The following IL7 variants were observed in gnomAD, a reference collection of about 807,000 sequenced individuals.
IL7 encodes interleukin-7.
In IL7, 3 loss-of-function variants were observed where a neutral mutation model predicts 21.6. The ratio of observed to expected loss-of-function variants is 0.14; its 90% confidence interval spans 0.06 to 0.36. The LOEUF (loss-of-function observed/expected upper bound fraction) is 0.36. Ranked by LOEUF, IL7 falls within the 10% of genes least tolerant of loss-of-function variation. The probability of loss-of-function intolerance (pLI) is 1.00; values close to 1 mark genes in which losing one functional copy is unlikely to be tolerated. For missense variants in IL7, 175 were observed against 200.2 expected, an observed-to-expected ratio of 0.87 and a Z score of 0.76; for synonymous variants, 62 against 68.1, an observed-to-expected ratio of 0.91 and a Z score of 0.44.
chr8:78,727,153 T>C (rs1243931446), intron 3 of IL7, among the ~76,000 whole-genome samples: 1 of 152,010 alleles, frequency 6.6e-6, no homozygotes, highest in East Asian at 1.9e-4. Flanking sequence ...CTTTTTTGCT[T>C]CCCTTTTCTT....
intron 3 of IL7, among the ~76,000 whole-genome samples, chr8:78,722,334 G>A (rs185937490): frequency 2.0e-5 from 3 of 151,892 alleles, no homozygotes; most frequent in Admixed American, 6.6e-5. Flanking sequence ...TCAACTAGAG[G>A]TATAATTTTA....
At chr8:78,717,001 A>G (rs1268474590), downstream of IL7, among the ~76,000 whole-genome samples, 2 of 151,166 alleles carry the variant, frequency 1.3e-5, no homozygotes, top group Non-Finnish European at 3.0e-5. Context: ...TACAGCCTGC[A>G]GAACTGTGAG....
At chr8:78,742,158 A>G (rs1811807261) in intron 2 of IL7, among the ~76,000 whole-genome samples, 2 of 56,854 alleles carry the variant, frequency 3.5e-5, no homozygotes, top group Non-Finnish European at 3.3e-5. Flanking sequence ...CTAAAAATAC[A>G]AAAAAAAAAA....
chr8:78,776,803 CA>C (rs140707877), intron 2 of IL7, among the ~76,000 whole-genome samples: 6,690 of 152,030 alleles, frequency 0.044, 206 homozygotes, highest in Middle Eastern at 0.082. Flanking sequence ...AACTAAGGCA[CA>C]GAAGGATTAA....
downstream of IL7, chr8:78,715,178 T>C: frequency 1.3e-6 from 2 of 1,550,340 alleles, no homozygotes; most frequent in Non-Finnish European, 1.8e-6. Context: ...AAATACATGC[T>C]CACTGTTCAA....
At chr8:78,749,788 T>C (rs1278462030) in intron 2 of IL7, among the ~76,000 whole-genome samples, 2 of 151,960 alleles carry the variant, frequency 1.3e-5, no homozygotes, top group African/African-American at 4.8e-5. Flanking sequence ...AAAACTATTA[T>C]AAAATAAGCC....
intron 3 of IL7, chr8:78,697,303 A>G: frequency 1.1e-6 from 1 of 895,290 alleles, no homozygotes. Context: ...TTCATCTTGT[A>G]AGGCTGAAAT....
chr8:78,790,235 C>T (rs1813640587), intron 2 of IL7, among the ~76,000 whole-genome samples: 1 of 152,098 alleles, frequency 6.6e-6, no homozygotes, highest in Non-Finnish European at 1.5e-5. Context: ...TTCTAGCAGC[C>T]TTTATATTTT....
chr8:78,757,088 A>G (rs1812373225), intron 2 of IL7, among the ~76,000 whole-genome samples: 1 of 151,818 alleles, frequency 6.6e-6, no homozygotes, highest in Admixed American at 6.6e-5. Context: ...TGTTGTGTTT[A>G]CATTTTCATT....
intron 2 of IL7, among the ~76,000 whole-genome samples, chr8:78,768,455 T>C (rs1812833999): frequency 6.8e-6 from 1 of 147,618 alleles, no homozygotes; most frequent in African/African-American, 2.5e-5. Flanking sequence ...TTTTTAATGA[T>C]TGCCATTCTA....
At chr8:78,723,037 CTAGA>C (rs1407796771) in intron 3 of IL7, among the ~76,000 whole-genome samples, 1 of 148,078 alleles carries the variant, frequency 6.8e-6, no homozygotes, top group African/African-American at 2.5e-5. Flanking sequence ...TGCATTCTTT[CTAGA>C]TAGTCTTTCA....
At chr8:78,699,077 TA>T (rs1810519861) in intron 3 of IL7, among the ~76,000 whole-genome samples, 1 of 152,134 alleles carries the variant, frequency 6.6e-6, no homozygotes, top group African/African-American at 2.4e-5. Flanking sequence ...TGAAAATCTA[TA>T]AAGGGATATT....
chr8:78,778,484 T>C (rs1050785864), intron 2 of IL7, among the ~76,000 whole-genome samples: 9 of 152,154 alleles, frequency 5.9e-5, no homozygotes, highest in Non-Finnish European at 1.3e-4. Flanking sequence ...TAAGGAAACA[T>C]TTATTAAATA....
At chr8:78,731,026 A>C (rs1586047512), downstream of IL7, among the ~76,000 whole-genome samples, 1 of 151,976 alleles carries the variant, frequency 6.6e-6, no homozygotes, top group South Asian at 2.1e-4. Flanking sequence ...TTGCCCGTAC[A>C]GAACACCATA....
At chr8:78,773,333 C>T (rs1046101947) in intron 2 of IL7, among the ~76,000 whole-genome samples, 1 of 152,140 alleles carries the variant, frequency 6.6e-6, no homozygotes. Context: ...TCTACACAGA[C>T]AGTGGTCCAG....
intron 2 of IL7, among the ~76,000 whole-genome samples, chr8:78,750,787 G>A (rs1202358828): frequency 6.6e-6 from 1 of 152,182 alleles, no homozygotes; most frequent in Non-Finnish European, 1.5e-5. Flanking sequence ...TCGTGCCACT[G>A]CACTCCAGCC....
chr8:78,696,780 G>C (rs979787614), intron 3 of IL7, among the ~76,000 whole-genome samples: 59 of 152,030 alleles, frequency 3.9e-4, no homozygotes, highest in African/African-American at 1.3e-3. Context: ...TCAGGTCCTA[G>C]GTCATCTTAC....
chr8:78,721,808 A>G (rs567439134), intron 3 of IL7, among the ~76,000 whole-genome samples: 3 of 152,182 alleles, frequency 2.0e-5, no homozygotes, highest in Non-Finnish European at 4.4e-5. Context: ...TTCATAACTT[A>G]GTAATTTTAT....
At chr8:78,740,564 A>G (rs372693366) in intron 2 of IL7, among the ~76,000 whole-genome samples, 72 of 152,206 alleles carry the variant, frequency 4.7e-4, no homozygotes, top group Middle Eastern at 6.8e-3. Flanking sequence ...ACATACCTAA[A>G]CCCTTTACCC....
Sources: allele counts gnomAD v4.1 joint callset (sites outside exome capture counted in the v4.1 genomes callset), GRCh38; gene constraint gnomAD v4.1.1; transcripts MANE v1.5; gene names NCBI Gene and HGNC (gene_info 2026-07-23, HGNC 2026-07-21).